TXNL4B: variants seen among roughly 807,000 people sequenced by gnomAD.
TXNL4B encodes the protein thioredoxin like 4B.
In TXNL4B, 12 loss-of-function variants were observed where a neutral mutation model predicts 13.0. The observed-to-expected ratio is 0.92, with a 90% CI of 0.59 to 1.49. The LOEUF (loss-of-function observed/expected upper bound fraction) is 1.49. Ranked by LOEUF, TXNL4B falls within the 40% of genes most tolerant of loss-of-function variation. The pLI, the probability that TXNL4B is intolerant of heterozygous loss-of-function variation, is 0.00. For synonymous variants in TXNL4B, 59 were observed against 58.9 expected (o/e 1.00, Z -0.01); for missense variants, 214 against 173.6 (o/e 1.23, Z -1.31).
intron 3 of TXNL4B, among the ~76,000 whole-genome samples, 195 bp downstream of exon 3, chr16:72,088,792 T>C (rs1472930792): frequency 6.6e-6 from 1 of 152,188 alleles, no homozygotes; most frequent in African/African-American, 2.4e-5. Flanking sequence ...ATAAATAAAA[T>C]TTGACAATCA....
intron 3 of TXNL4B, 128 bp from the exon 4 acceptor site, chr16:72,086,930 A>G: frequency 2.8e-6 from 2 of 702,364 alleles, no homozygotes; most frequent in East Asian, 2.8e-5. Context: ...TTCAGAAATA[A>G]AGCCCAACAT....
intron 3 of TXNL4B, among the ~76,000 whole-genome samples, chr16:72,088,079 A>G (rs2041849859): frequency 6.6e-6 from 1 of 152,120 alleles, no homozygotes; most frequent in African/African-American, 2.4e-5. Context: ...TCGGCTTCCC[A>G]AAGTGCTGGG....
In TXNL4B at chr16:72,088,980, C is replaced by T. The variant is rs774534183; in HGVS notation, c.284+7G>A. On this transcript the variant is annotated splice_region_variant and intron_variant, in intron 3 of 3. Transcript: ENST00000268483. ...GTTGCAATTAACTTCAGATCAACTG[C>T]ACTTACCCATAATCCACTTTCATAT... 6.3e-7 allele frequency: 1 copy of T among 1,593,000 alleles called. No homozygotes were observed. The highest frequency in any genetic ancestry group is 8.6e-7 in the Non-Finnish European group (1 of 1,164,490).
chr16:72,089,063 T>C lies in TXNL4B; in HGVS notation c.208A>G (p.Thr70Ala), dbSNP rs564334930. The C allele has an allele frequency of 2.5e-6, 4 of 1,611,480 alleles. No individual in the cohort carries two copies. Among genetic ancestry groups the C allele is most frequent in the Non-Finnish European group, 3.4e-6 (4 of 1,177,612 alleles). Residue 70 changes from threonine (T) to alanine (A), a missense_variant, in exon 3 of 4, where the codon ACA (threonine) becomes GCA (alanine). Physicochemically the swap from Thr to Ala is moderately conservative, Grantham distance 58 (BLOSUM62 0). Transcript: ENST00000268483. ...ATATAACTGATGTCAAAATACTGTG[T>C]ATAAACTGCAGTTTGGTCCACATCT... ...LVDVDQTAVY[T>A]QYFDISYIPS...
chr16:72,094,027 G>A (rs1480287232), upstream of TXNL4B: 1 of 152,346 alleles, frequency 6.6e-6, no homozygotes, highest in African/African-American at 2.4e-5. Flanking sequence ...GGGACAGAAG[G>A]GTCCCAAGAG....
rs1046400794 is a variant in TXNL4B, at chr16:72,093,494, C to T, written c.-165G>A. On this transcript the variant is annotated 5_prime_UTR_variant, in exon 1 of 4. It adds an upstream start codon to the 5' untranslated region. Transcript: ENST00000268483. Reference sequence around the variant, plus strand: ...CGGACAGGACCCTAAGACCAAGTCACCCAGGGGCTGTTGCCTAGCAACCCT... The same window carrying T: ...CGGACAGGACCCTAAGACCAAGTCATCCAGGGGCTGTTGCCTAGCAACCCT... 3 of 152,252 alleles carry T rather than the reference C, an allele frequency of 2.0e-5. No homozygotes were observed. Among genetic ancestry groups the T allele is most frequent in the Non-Finnish European group, 4.4e-5 (3 of 68,066 alleles). 9.4% of individuals were successfully genotyped at this position (152,252 alleles called of 1,614,324 possible).
At chr16:72,092,405 C>T (rs113446695) in intron 1 of TXNL4B, among the ~76,000 whole-genome samples, 53 of 146,094 alleles carry the variant, frequency 3.6e-4, no homozygotes, top group African/African-American at 1.3e-3. Context: ...GCAACAAGAG[C>T]GAAGCTCCGT....
rs1331652280 is a variant in TXNL4B at position 72,085,736 on chromosome 16, T to C, written c.*901A>G. On this transcript the variant is annotated 3_prime_UTR_variant, in exon 4 of 4. Coordinates refer to ENST00000268483, the MANE Select transcript of TXNL4B (RefSeq NM_017853.3). Reference sequence around the variant, plus strand: ...AAATAATTAAATGGGGTGCGCGCGGTGGCTCACGCCTATAATCCCAGCACC... The same window carrying C: ...AAATAATTAAATGGGGTGCGCGCGGCGGCTCACGCCTATAATCCCAGCACC... The C allele has an allele frequency of 6.6e-6, 1 of 152,160 alleles. No homozygotes were observed. The highest frequency in any genetic ancestry group is 1.5e-5 in the Non-Finnish European group (1 of 68,042). 9.4% of individuals were successfully genotyped at this position (152,160 alleles called of 1,614,324 possible).
Position 72,089,012 on chromosome 16 carries a change from C to T in TXNL4B, c.259G>A (p.Gly87Arg). 6.2e-7 allele frequency: 1 copy of T among 1,610,402 alleles called. No homozygotes were observed. Among genetic ancestry groups the T allele is most frequent in the Non-Finnish European group, 8.5e-7 (1 of 1,177,302 alleles). ...YIPSTVFFFN[G>R]QHMKVDYGSP... ...CCATAATCCACTTTCATATGCTGCC[C>T]ATTGAAGAAAAAGACAGTAGATGGA... is the stretch of plus-strand genomic sequence containing the variant. Residue 87 changes from glycine (G) to arginine (R), a missense_variant, in exon 3 of 4, where the codon GGG (glycine) becomes AGG (arginine). Gly to Arg is a moderately radical substitution (Grantham distance 125). Coordinates refer to ENST00000268483, the MANE Select transcript of TXNL4B (RefSeq NM_017853.3).
At chr16:72,088,065 T>G (rs2041849670) in intron 3 of TXNL4B, among the ~76,000 whole-genome samples, 1 of 152,304 alleles carries the variant, frequency 6.6e-6, no homozygotes, top group Non-Finnish European at 1.5e-5. Flanking sequence ...ATAATCTGCC[T>G]GCCTCGGCTT....
At chr16:72,090,323 C>T (rs961546588) in intron 2 of TXNL4B, 11 of 473,398 alleles carry the variant, frequency 2.3e-5, no homozygotes, top group African/African-American at 8.0e-5. Context: ...CCCACTATTG[C>T]GAGCACTGAA....
At chr16:72,088,350 C>T (rs1002375982) in intron 3 of TXNL4B, among the ~76,000 whole-genome samples, 1 of 152,184 alleles carries the variant, frequency 6.6e-6, no homozygotes, top group African/African-American at 2.4e-5. Flanking sequence ...GACACATCAA[C>T]CACAGTAAGA....
chr16:72,087,563 T>C (rs574344440), intron 3 of TXNL4B: 1 of 152,348 alleles, frequency 6.6e-6, no homozygotes, highest in South Asian at 2.1e-4. Flanking sequence ...TGATACATAA[T>C]GTTGAACTGG....
At chr16:72,086,860 A>C (rs1567595753) in intron 3 of TXNL4B, 58 bp from the exon 4 acceptor site, 1 of 1,357,404 alleles carries the variant, frequency 7.4e-7, no homozygotes. Context: ...CACTTGTTGA[A>C]GACTTTCAGG....
Position 72,090,470 on chromosome 16 carries a change from G to C in TXNL4B, c.132+148C>G, listed in dbSNP as rs1317604736. 10 of 766,572 alleles carry C rather than the reference G, an allele frequency of 1.3e-5. No homozygotes were observed. The Admixed American group carries it at 1.9e-4, about 15-fold the overall frequency. 47.5% of individuals were successfully genotyped at this position (766,572 alleles called of 1,614,324 possible). A position where few individuals can be genotyped will look rare whatever the true frequency, so the allele number is the denominator to read the frequency against. On this transcript the variant is annotated intron_variant, in intron 2 of 3. Transcript: ENST00000268483. ...CACACAGATTTGGGGGCTTGGTTCA[G>C]GGCAGGCACACAATCAGCTCTTAGT...
At chr16:72,092,631 G>A (rs1344092229) in intron 1 of TXNL4B, among the ~76,000 whole-genome samples, 3 of 152,162 alleles carry the variant, frequency 2.0e-5, no homozygotes, top group Non-Finnish European at 4.4e-5. Flanking sequence ...CCGTGTTACT[G>A]ATCGAAAGGA....
Position 72,090,779 on chromosome 16 carries a change from T to G in TXNL4B, c.-30A>C. On this transcript the variant is annotated 5_prime_UTR_variant, in exon 2 of 4. Coordinates refer to ENST00000268483, the MANE Select transcript of TXNL4B (RefSeq NM_017853.3). ...AAATAACCCAAATGTGAATCCTCAC[T>G]GTCACTCCTGAAATAAAGGTGCAAT... is the stretch of plus-strand genomic sequence containing the variant. 1 of 1,613,378 alleles carries G rather than the reference T, an allele frequency of 6.2e-7. No homozygotes were observed. Among genetic ancestry groups the G allele is most frequent in the Admixed American group, 1.7e-5 (1 of 59,908 alleles).
rs1032366479 is a variant in TXNL4B, at chr16:72,092,829, G to T, written c.-38+538C>A. Among the ~76,000 whole-genome samples the T allele has an allele frequency of 5.3e-4, 81 of 152,290 alleles. 1 individual carries two copies. Among genetic ancestry groups the T allele is most frequent in the African/African-American group, 1.7e-3 (72 of 41,560 alleles). On this transcript the variant is annotated intron_variant, in intron 1 of 3. Transcript: ENST00000268483. ...TAAACTAAAAAGTTAAGCTTTACCA[G>T]TAAGCAAAGAAAAGCAAATTAAAAC... is the stretch of plus-strand genomic sequence containing the variant.
chr16:72,091,381 G>T (rs2041902516), intron 1 of TXNL4B, among the ~76,000 whole-genome samples: 1 of 152,076 alleles, frequency 6.6e-6, no homozygotes, highest in Non-Finnish European at 1.5e-5. Flanking sequence ...CCCTCCCTCT[G>T]ACCTTTGCTC....
Sources: allele counts gnomAD v4.1 joint callset (sites outside exome capture counted in the v4.1 genomes callset), GRCh38; gene constraint gnomAD v4.1.1; transcripts MANE v1.5; gene names NCBI Gene and HGNC (gene_info 2026-07-23, HGNC 2026-07-21).